The following TMEM17 variants were observed in gnomAD, a reference collection of about 807,000 sequenced individuals.
The protein encoded by TMEM17 is transmembrane protein 17.
In TMEM17, 15 loss-of-function variants were observed where a neutral mutation model predicts 19.1. The ratio of observed to expected loss-of-function variants is 0.78; its 90% CI spans 0.52 to 1.21. The LOEUF is 1.21. Ranked by LOEUF, TMEM17 falls within the 50% of genes most tolerant of loss-of-function variation. The pLI is 0.00. For synonymous variants in TMEM17, 103 were observed against 86.9 expected (o/e 1.19, Z -1.03); for missense variants, 245 against 242.3 (o/e 1.01, Z -0.07).
At chr2:62,472,922 G>T in the TMEM17 span, among the ~76,000 whole-genome samples, 1 of 152,224 alleles carries the variant, frequency 6.6e-6, no homozygotes, top group Non-Finnish European at 1.5e-5. Context: ...GAGCTCAGCC[G>T]TGGCTGGCCT....
At chr2:62,500,167 A>G (rs1053523216), downstream of TMEM17, 2 of 152,242 alleles carry the variant, frequency 1.3e-5, no homozygotes, top group African/African-American at 4.8e-5. Flanking sequence ...GCAACTCTGT[A>G]ATAAAAAACA....
At chr2:62,485,954 A>G in the TMEM17 span, among the ~76,000 whole-genome samples, 1 of 152,244 alleles carries the variant, frequency 6.6e-6, no homozygotes, top group Non-Finnish European at 1.5e-5. Context: ...GTTTAATTTT[A>G]AAAACTGTGC....
chr2:62,489,662 G>A, the TMEM17 span, among the ~76,000 whole-genome samples: 6 of 152,076 alleles, frequency 3.9e-5, no homozygotes, highest in Non-Finnish European at 8.8e-5. Context: ...TATAACATAG[G>A]GGGCTGTTTT....
the TMEM17 span, among the ~76,000 whole-genome samples, chr2:62,487,587 G>C: frequency 6.6e-6 from 1 of 152,190 alleles, no homozygotes; most frequent in East Asian, 1.9e-4. Flanking sequence ...AAAAATGCCT[G>C]TGAAACAGGT....
the TMEM17 span, among the ~76,000 whole-genome samples, chr2:62,469,864 G>A: frequency 6.6e-6 from 1 of 152,236 alleles, no homozygotes; most frequent in Admixed American, 6.5e-5. Context: ...TGGGCAGCCT[G>A]GGTCCTGCTG....
chr2:62,478,978 G>GGA, the TMEM17 span, among the ~76,000 whole-genome samples: 1 of 152,022 alleles, frequency 6.6e-6, no homozygotes, highest in Non-Finnish European at 1.5e-5. Flanking sequence ...ATATTTCTGG[G>GGA]GTACATAGTG....
the TMEM17 span, among the ~76,000 whole-genome samples, chr2:62,472,922 G>A: frequency 4.8e-4 from 73 of 152,224 alleles, no homozygotes; most frequent in Non-Finnish European, 7.8e-4. Flanking sequence ...GAGCTCAGCC[G>A]TGGCTGGCCT....
At chr2:62,453,609 G>C in the TMEM17 span, among the ~76,000 whole-genome samples, 1 of 152,138 alleles carries the variant, frequency 6.6e-6, no homozygotes, top group East Asian at 1.9e-4. Flanking sequence ...CTAAATAAAA[G>C]AAAACCTTTT....
chr2:62,459,430 T>C, the TMEM17 span, among the ~76,000 whole-genome samples: 2 of 152,294 alleles, frequency 1.3e-5, no homozygotes, highest in Non-Finnish European at 2.9e-5. Context: ...GGTGACTTGC[T>C]GCTCGGGCAG....
chr2:62,495,413 C>T (rs556769010), downstream of TMEM17, among the ~76,000 whole-genome samples: 94 of 152,152 alleles, frequency 6.2e-4, no homozygotes, highest in Middle Eastern at 3.4e-3. Flanking sequence ...TTTTTAAGTG[C>T]GTAAACACTG....
chr2:62,459,487 T>C, the TMEM17 span, among the ~76,000 whole-genome samples: 6 of 152,404 alleles, frequency 3.9e-5, no homozygotes, highest in Admixed American at 3.3e-4. Context: ...CCAACTGATT[T>C]GATAGAGCAT....
At chr2:62,458,245 G>A in the TMEM17 span, among the ~76,000 whole-genome samples, 5 of 152,212 alleles carry the variant, frequency 3.3e-5, no homozygotes, top group Non-Finnish European at 7.3e-5. Context: ...TCCAGCTGAT[G>A]GGCATAGGTG....
the TMEM17 span, among the ~76,000 whole-genome samples, chr2:62,483,327 G>A: frequency 6.6e-6 from 1 of 152,202 alleles, no homozygotes; most frequent in East Asian, 1.9e-4. Flanking sequence ...AAATTGTGGG[G>A]TGAAGCAAAA....
In TMEM17 at chr2:62,500,612, AT is replaced by A. The variant is rs36063898; in HGVS notation, c.*596del. The A allele has an allele frequency of 0.053, 7,674 of 144,948 alleles. 261 individuals carry two copies. Among genetic ancestry groups the A allele is most frequent in the East Asian group, 0.15 (746 of 4,992 alleles). The allele number at this position is 144,948 out of a possible 1,614,324, so 9.0% of individuals were successfully genotyped here. On this transcript the variant is annotated 3_prime_UTR_variant, in exon 4 of 4. Coordinates refer to ENST00000335390, the MANE Select transcript of TMEM17 (RefSeq NM_198276.3). The stretch of plus-strand genomic sequence containing the variant: ...AGGTGCCTGCAACCACGCCTAGCTA[AT>A]TTTTTTTTTTTTTGTATTTTTAGTA...
chr2:62,496,027 T>C (rs932186606), downstream of TMEM17, among the ~76,000 whole-genome samples: 1 of 152,174 alleles, frequency 6.6e-6, no homozygotes, highest in African/African-American at 2.4e-5. Context: ...TTATCAGTTT[T>C]CCCTTAATTC....
At chr2:62,462,887 A>G in the TMEM17 span, among the ~76,000 whole-genome samples, 1 of 152,044 alleles carries the variant, frequency 6.6e-6, no homozygotes, top group African/African-American at 2.4e-5. Context: ...TGCCCTCCTG[A>G]GCCCTCTGCC....
At chr2:62,454,085 C>T in the TMEM17 span, among the ~76,000 whole-genome samples, 1 of 152,166 alleles carries the variant, frequency 6.6e-6, no homozygotes, top group Non-Finnish European at 1.5e-5. Context: ...CTGGCCTTAG[C>T]GTTTTGAGAG....
At chr2:62,467,649 C>T in the TMEM17 span, among the ~76,000 whole-genome samples, 1 of 152,176 alleles carries the variant, frequency 6.6e-6, no homozygotes, top group Non-Finnish European at 1.5e-5. Flanking sequence ...TCCCAAACTG[C>T]GTGTCCCTTT....
chr2:62,478,747 GCTTT>G, the TMEM17 span, among the ~76,000 whole-genome samples: 2 of 150,650 alleles, frequency 1.3e-5, no homozygotes, highest in Non-Finnish European at 3.0e-5. Flanking sequence ...TATTTTTCTA[GCTTT>G]CTTTATTTAA....
Sources: allele counts gnomAD v4.1 joint callset (sites outside exome capture counted in the v4.1 genomes callset), GRCh38; gene constraint gnomAD v4.1.1; transcripts MANE v1.5; gene names NCBI Gene and HGNC (gene_info 2026-07-23, HGNC 2026-07-21).